NKAIN3: variants seen among roughly 807,000 people sequenced by gnomAD.
The protein encoded by NKAIN3 is sodium/potassium-transporting ATPase subunit beta-1-interacting protein 3.
In NKAIN3, 25 loss-of-function variants were observed where a neutral mutation model predicts 30.2. That is an observed-to-expected ratio of 0.83 (90% confidence interval 0.60 to 1.16). The LOEUF is 1.16. Ranked by LOEUF, NKAIN3 falls within the 50% of genes most tolerant of loss-of-function variation. The pLI, the probability that NKAIN3 is intolerant of heterozygous loss-of-function variation, is 0.00. For missense variants in NKAIN3, 225 were observed against 254.1 expected, an observed-to-expected ratio of 0.89 and a Z score of 0.78; for synonymous variants, 91 against 89.6, an observed-to-expected ratio of 1.02 and a Z score of -0.09.
At position 62,345,616 on chromosome 8, in the gene NKAIN3, C is replaced by CACACATATATACACATATATGTATATAT. The variant is rs1348728048; in HGVS notation, c.54+96500_54+96501insCACATATATGTATATATACACATATATA. Among the ~76,000 whole-genome samples the CACACATATATACACATATATGTATATAT allele has an allele frequency of 1.2e-3, 163 of 139,750 alleles. 5 individuals are homozygous for CACACATATATACACATATATGTATATAT. The East Asian group carries it at 0.014, about 12-fold the overall frequency. 91.7% of individuals were successfully genotyped at this position (139,750 alleles called of 152,430 possible). On this transcript the variant is annotated intron_variant, in intron 1 of 6. Transcript: ENST00000623646. ...ACATATATACACATATATGTATATA[C>CACACATATATACACATATATGTATATAT]ACACATATATATACACATATATGTA...
rs528258645 is a variant in NKAIN3 at position 62,657,521 on chromosome 8, C to T, written c.273+67727C>T. ...TTAATCCTGCAATTGTATTAATTTC[C>T]CCTATGAGTAGAAAGCTGAAAGAAA... On this transcript the variant is annotated intron_variant, in intron 3 of 6. Transcript: ENST00000623646. 3.3e-5 allele frequency among the ~76,000 whole-genome samples: 5 copies of T among 152,164 alleles called. No individual in the cohort carries two copies. In the Middle Eastern group the frequency reaches 0.014, roughly 414 times the overall value.
intron 4 of NKAIN3, among the ~76,000 whole-genome samples, chr8:62,864,816 A>G (rs551706059): frequency 2.6e-5 from 4 of 152,298 alleles, no homozygotes; most frequent in Admixed American, 2.0e-4. Context: ...CTGACCTGGG[A>G]AATGCTTGTT....
intron 4 of NKAIN3, among the ~76,000 whole-genome samples, chr8:62,779,968 T>C (rs1817307219): frequency 6.6e-6 from 1 of 151,964 alleles, no homozygotes; most frequent in African/African-American, 2.4e-5. Flanking sequence ...CAGAACTAAA[T>C]GCAATGGAGA....
chr8:62,813,133 T>G (rs544739422), intron 4 of NKAIN3, among the ~76,000 whole-genome samples: 10 of 152,114 alleles, frequency 6.6e-5, no homozygotes, highest in Non-Finnish European at 4.4e-5. Context: ...TCTTGGCTCC[T>G]TTTTTGAAAA....
At chr8:62,914,203 T>C (rs2130853052) in intron 4 of NKAIN3, among the ~76,000 whole-genome samples, 1 of 152,302 alleles carries the variant, frequency 6.6e-6, no homozygotes, top group East Asian at 1.9e-4. Flanking sequence ...GGAAAATGGA[T>C]GGAGCTGGAG....
chr8:62,800,585 G>A (rs531788004), intron 4 of NKAIN3, among the ~76,000 whole-genome samples: 7 of 152,162 alleles, frequency 4.6e-5, no homozygotes, highest in South Asian at 2.1e-4. Flanking sequence ...AATTCACTAC[G>A]GAGAATTTCG....
chr8:62,918,110 A>G (rs1350833631), intron 4 of NKAIN3, among the ~76,000 whole-genome samples: 1 of 152,226 alleles, frequency 6.6e-6, no homozygotes, highest in African/African-American at 2.4e-5. Flanking sequence ...GTGCTAGTAC[A>G]AAATGCTCAA....
intron 3 of NKAIN3, among the ~76,000 whole-genome samples, chr8:62,719,675 C>T (rs543229082): frequency 1.3e-5 from 2 of 151,118 alleles, no homozygotes; most frequent in Admixed American, 1.3e-4. Flanking sequence ...ACAGGTAAGT[C>T]ATAACTATCA....
At chr8:62,792,984 T>G (rs1817749864) in intron 4 of NKAIN3, among the ~76,000 whole-genome samples, 2 of 152,208 alleles carry the variant, frequency 1.3e-5, no homozygotes, top group South Asian at 4.1e-4. Context: ...TAGGGTGCAG[T>G]GTTGGGTTGA....
In NKAIN3 at chr8:62,431,803, G is replaced by A. The variant is rs75773406; in HGVS notation, c.55-147736G>A. Among the ~76,000 whole-genome samples, 531 of 149,214 alleles carry A rather than the reference G, an allele frequency of 3.6e-3. 6 individuals carry two copies. The highest frequency in any genetic ancestry group is 0.024 in the Admixed American group (353 of 14,870). On this transcript the variant is annotated intron_variant, in intron 1 of 6. Coordinates refer to ENST00000623646, the MANE Select transcript of NKAIN3 (RefSeq NM_001304533.3). ...TAACAAGAACTGTAAAAGTTCCTTA[G>A]AGAATGCTTAATTATCTTTTGAGAT...
intron 1 of NKAIN3, among the ~76,000 whole-genome samples, chr8:62,448,752 G>A (rs1271332864): frequency 6.6e-6 from 1 of 151,914 alleles, no homozygotes. Context: ...TGAGCTTTTT[G>A]TAAAGAGTCA....
intron 1 of NKAIN3, among the ~76,000 whole-genome samples, chr8:62,362,801 T>C (rs1192050661): frequency 6.6e-6 from 1 of 152,160 alleles, no homozygotes; most frequent in Non-Finnish European, 1.5e-5. Context: ...AGAACAAATT[T>C]ATAGACAAAG....
intron 4 of NKAIN3, among the ~76,000 whole-genome samples, chr8:62,772,228 C>A (rs1207952417): frequency 6.6e-6 from 1 of 152,158 alleles, no homozygotes; most frequent in African/African-American, 2.4e-5. Flanking sequence ...TATGTTGTTG[C>A]AAATGACAGG....
chr8:62,566,211 C>A (rs1027405318), intron 1 of NKAIN3, among the ~76,000 whole-genome samples: 1 of 152,172 alleles, frequency 6.6e-6, no homozygotes, highest in Non-Finnish European at 1.5e-5. Flanking sequence ...TCAACAGCAG[C>A]CTCTTTGTAA....
At chr8:62,258,509 T>C (rs542572844) in intron 1 of NKAIN3, among the ~76,000 whole-genome samples, 6 of 151,598 alleles carry the variant, frequency 4.0e-5, no homozygotes, top group Non-Finnish European at 7.4e-5. Context: ...AAATAAAATA[T>C]AGATGGTTGT....
intron 1 of NKAIN3, among the ~76,000 whole-genome samples, chr8:62,428,151 T>C (rs908550001): frequency 6.6e-6 from 1 of 151,940 alleles, no homozygotes; most frequent in Non-Finnish European, 1.5e-5. Context: ...GTTTCATCCA[T>C]GTTGCTGCAA....
intron 4 of NKAIN3, among the ~76,000 whole-genome samples, chr8:62,857,688 A>T (rs1820103839): frequency 1.3e-5 from 2 of 152,164 alleles, no homozygotes; most frequent in South Asian, 4.1e-4. Flanking sequence ...TGTGTTTTTC[A>T]GTTCTATCAT....
chr8:62,330,173 A>T (rs1354125281), intron 1 of NKAIN3, among the ~76,000 whole-genome samples: 1 of 152,030 alleles, frequency 6.6e-6, no homozygotes, highest in Non-Finnish European at 1.5e-5. Context: ...TGAGTACAGT[A>T]GTTTCCAGGC....
intron 1 of NKAIN3, among the ~76,000 whole-genome samples, chr8:62,542,592 C>A (rs1054888837): frequency 6.6e-6 from 1 of 151,944 alleles, no homozygotes; most frequent in Non-Finnish European, 1.5e-5. Flanking sequence ...ATTTGAGTTC[C>A]TCTATCCCAA....
Sources: allele counts gnomAD v4.1 joint callset (sites outside exome capture counted in the v4.1 genomes callset), GRCh38; gene constraint gnomAD v4.1.1; transcripts MANE v1.5; gene names NCBI Gene and HGNC (gene_info 2026-07-23, HGNC 2026-07-21).